The following PCDH11X variants were observed in gnomAD, a reference collection of about 807,000 sequenced individuals.
PCDH11X encodes the protein protocadherin 11 X-linked.
PCDH11X carries 18 observed loss-of-function variants against 53.3 expected under a neutral mutation model. The ratio of observed to expected loss-of-function variants is 0.34; its 90% confidence interval spans 0.23 to 0.50. PCDH11X has a LOEUF of 0.50. Among genes scored for constraint, PCDH11X ranks in the 20% least tolerant of loss-of-function variants. The pLI, the probability that PCDH11X is intolerant of heterozygous loss-of-function variation, is 0.98. For synonymous variants in PCDH11X, 279 were observed against 393.3 expected, an observed-to-expected ratio of 0.71 and a Z score of 3.44; for missense variants, 570 against 1,032.4, an observed-to-expected ratio of 0.55 and a Z score of 6.14.
At chrX:92,556,983 G>A (rs779489890) in intron 10 of PCDH11X, among the ~76,000 whole-genome samples, 15 of 109,121 alleles carry the variant, frequency 1.4e-4, no homozygotes, top group Non-Finnish European at 2.7e-4. Context: ...CTTGGGGCTT[G>A]CACCCTCTGA....
chrX:91,950,768 C>T (rs902586199), intron 6 of PCDH11X, among the ~76,000 whole-genome samples: 1 of 109,881 alleles, frequency 9.1e-6, no homozygotes. Context: ...AGAGTGTAAG[C>T]TCCATGTGAT....
At chrX:92,259,257 G>GT (rs1397949618) in intron 7 of PCDH11X, among the ~76,000 whole-genome samples, 1 of 110,687 alleles carries the variant, frequency 9.0e-6, no homozygotes, top group African/African-American at 3.3e-5. Context: ...AATTTTCTGC[G>GT]TGAGTCCATT....
intron 6 of PCDH11X, among the ~76,000 whole-genome samples, chrX:91,970,170 T>C (rs2061933545): frequency 9.0e-6 from 1 of 111,065 alleles, no homozygotes; most frequent in African/African-American, 3.3e-5. Flanking sequence ...TACAGCTCTT[T>C]AAGGCAGTGC....
At chrX:92,113,999 T>G (rs1257393741) in intron 6 of PCDH11X, 2 of 1,205,968 alleles carry the variant, frequency 1.7e-6, no homozygotes, top group Non-Finnish European at 2.2e-6. Context: ...GTACCCACGA[T>G]GATGTGGGGA....
intron 9 of PCDH11X, among the ~76,000 whole-genome samples, chrX:92,419,679 T>G (rs1388535513): frequency 1.4e-5 from 1 of 69,137 alleles, no homozygotes; most frequent in African/African-American, 5.4e-5. Context: ...CTTTTTTTTT[T>G]TTTTTTTTTT....
intron 8 of PCDH11X, among the ~76,000 whole-genome samples, chrX:92,379,960 C>CA (rs1020891744): frequency 1.4e-4 from 12 of 83,067 alleles, no homozygotes; most frequent in Non-Finnish European, 2.9e-4. Flanking sequence ...GTAACACAAA[C>CA]AGGGCTGAAA....
intron 10 of PCDH11X, among the ~76,000 whole-genome samples, chrX:92,517,413 G>T (rs112129860): frequency 0.031 from 3,419 of 111,784 alleles, 125 homozygotes; most frequent in African/African-American, 0.11. Flanking sequence ...GCTGGCAATG[G>T]TTTAAACTTT....
At chrX:92,478,469 A>C (rs2073434901) in intron 10 of PCDH11X, among the ~76,000 whole-genome samples, 1 of 110,758 alleles carries the variant, frequency 9.0e-6, no homozygotes, top group Admixed American at 9.6e-5. Context: ...TAGGTGGTTC[A>C]ATTGAGATTT....
At chrX:92,459,815 G>A (rs1232231436) in intron 9 of PCDH11X, 84 of 1,169,254 alleles carry the variant, frequency 7.2e-5, no homozygotes, top group East Asian at 3.0e-4. Context: ...TCCGTGTCCC[G>A]CTCCACCAGC....
At chrX:92,088,524 A>G (rs2063996694) in intron 6 of PCDH11X, among the ~76,000 whole-genome samples, 1 of 110,420 alleles carries the variant, frequency 9.1e-6, no homozygotes, top group Non-Finnish European at 1.9e-5. Flanking sequence ...TTGTAAGAAG[A>G]GAAATTACTT....
chrX:92,039,217 C>A (rs750878742), intron 6 of PCDH11X, among the ~76,000 whole-genome samples: 1 of 110,654 alleles, frequency 9.0e-6, no homozygotes, highest in East Asian at 2.9e-4. Context: ...CACTACCAGG[C>A]TCCTTTCTAT....
chrX:92,192,375 G>A (rs893077711), intron 6 of PCDH11X, among the ~76,000 whole-genome samples: 1 of 111,371 alleles, frequency 9.0e-6, no homozygotes, highest in African/African-American at 3.3e-5. Context: ...ATGGAGTCTC[G>A]CTCTGTCCCC....
intron 5 of PCDH11X, among the ~76,000 whole-genome samples, chrX:91,858,058 T>C (rs1282232238): frequency 2.7e-5 from 3 of 110,543 alleles, no homozygotes; most frequent in Non-Finnish European, 5.7e-5. Context: ...GTTGTTTCCC[T>C]ACATCCTCTG....
At chrX:92,481,561 C>T (rs781247180) in intron 10 of PCDH11X, among the ~76,000 whole-genome samples, 8 of 109,776 alleles carry the variant, frequency 7.3e-5, no homozygotes, top group African/African-American at 2.7e-4. Context: ...CGCAAAGAGG[C>T]AGAGTCAGGC....
At chrX:92,489,751 TTATA>T (rs761167180) in intron 10 of PCDH11X, among the ~76,000 whole-genome samples, 47 of 104,440 alleles carry the variant, frequency 4.5e-4, no homozygotes, top group Middle Eastern at 5.3e-3. Flanking sequence ...GCCACAAAAT[TTATA>T]TATATATATA....
intron 6 of PCDH11X, among the ~76,000 whole-genome samples, chrX:92,122,564 G>A (rs1370237673): frequency 1.8e-5 from 2 of 111,940 alleles, no homozygotes; most frequent in African/African-American, 6.5e-5. Flanking sequence ...ATCAATGGAT[G>A]TCACATTAAA....
intron 10 of PCDH11X, among the ~76,000 whole-genome samples, chrX:92,531,141 C>T (rs929551153): frequency 3.6e-5 from 4 of 110,691 alleles, no homozygotes; most frequent in African/African-American, 1.3e-4. Flanking sequence ...AGAGTTTTAT[C>T]AACTCCTATG....
chrX:92,124,544 TA>T (rs1242306988), intron 6 of PCDH11X, among the ~76,000 whole-genome samples: 4,067 of 94,024 alleles, frequency 0.043, 162 homozygotes, highest in African/African-American at 0.13. Context: ...AAACTCCATT[TA>T]AAAAAAAAAA....
intron 8 of PCDH11X, among the ~76,000 whole-genome samples, chrX:92,308,517 C>T (rs1383876186): frequency 2.7e-5 from 3 of 110,329 alleles, no homozygotes; most frequent in African/African-American, 6.6e-5. Context: ...AATCAATGAC[C>T]TTAACCATAA....
Sources: allele counts gnomAD v4.1 joint callset (sites outside exome capture counted in the v4.1 genomes callset), GRCh38; gene constraint gnomAD v4.1.1; transcripts MANE v1.5; gene names NCBI Gene and HGNC (gene_info 2026-07-23, HGNC 2026-07-21).